KPNA7: variants seen among roughly 807,000 people sequenced by gnomAD.
The protein encoded by KPNA7 is karyopherin subunit alpha 7, also known as importin subunit alpha-8.
A neutral mutation model predicts 53.7 loss-of-function variants in KPNA7; 54 were observed. The ratio of observed to expected loss-of-function variants is 1.01; its 90% confidence interval spans 0.81 to 1.26. The LOEUF (loss-of-function observed/expected upper bound fraction) is 1.26. Among genes scored for constraint, KPNA7 ranks in the 50% most tolerant of loss-of-function variants. The probability of loss-of-function intolerance (pLI) is 0.00; values close to 1 mark genes in which losing one functional copy is unlikely to be tolerated. For synonymous variants in KPNA7, 276 were observed against 259.3 expected, an observed-to-expected ratio of 1.06 and a Z score of -0.62; for missense variants, 640 against 644.5, an observed-to-expected ratio of 0.99 and a Z score of 0.07.
At chr7:99,172,817 C>CT (rs2150691387), downstream of KPNA7, among the ~76,000 whole-genome samples, 1 of 152,192 alleles carries the variant, frequency 6.6e-6, no homozygotes, top group South Asian at 2.1e-4. Context: ...AATCCCAGCA[C>CT]TTTAGGAGGC....
At chr7:99,178,113 G>A (rs80171539) in intron 9 of KPNA7, 47 bp from the exon 10 acceptor site, 1 of 1,528,872 alleles carries the variant, frequency 6.5e-7, no homozygotes, top group Non-Finnish European at 8.8e-7. Context: ...AGGAGCCTTT[G>A]GGGGATAGGG....
rs1486759654 is a variant in KPNA7 at position 99,188,353 on chromosome 7, C to T, written c.847G>A (p.Gly283Arg). 7.1e-6 allele frequency: 11 copies of T among 1,551,548 alleles called. No individual in the cohort carries two copies. The highest frequency in any genetic ancestry group is 9.6e-6 in the Non-Finnish European group (11 of 1,146,988). The change falls in exon 7 of 11, where the codon GGG becomes AGG. Residue 283 changes from glycine to arginine, a missense_variant. Transcript: ENST00000327442. ...NKRIGQVVNT[G>R]VLPRLVVLMT... is the part of the protein sequence containing the mutation. ...AGCACTACCAGCCTGGGCAGGACCC[C>T]CGTGTTAACCACTTGGCCGATGCGC...
At chr7:99,165,711 C>T in the KPNA7 span, among the ~76,000 whole-genome samples, 6 of 152,290 alleles carry the variant, frequency 3.9e-5, no homozygotes, top group Admixed American at 3.3e-4. Flanking sequence ...TTAGCTTAAT[C>T]TCTACACTCA....
chr7:99,212,793 C>G (rs974875087), upstream of KPNA7, among the ~76,000 whole-genome samples: 3 of 151,786 alleles, frequency 2.0e-5, no homozygotes, highest in African/African-American at 7.3e-5. Flanking sequence ...CCCAGATACT[C>G]GGTGGGAGGA....
Position 99,218,899 on chromosome 7 carries a change from C to T in KPNA7, c.-23-11410G>A, listed in dbSNP as rs770282341. ...AGAAGGACTCAGCCACGTCTGGAGCCGGGGCTCGTGCACACATTCGCACTT... is the reference window on the plus strand; with the variant it reads ...AGAAGGACTCAGCCACGTCTGGAGCTGGGGCTCGTGCACACATTCGCACTT... On this transcript the variant is annotated intron_variant, in intron 1 of 10. Transcript: ENST00000681060. 1.3e-5 allele frequency among the ~76,000 whole-genome samples: 2 copies of T among 152,354 alleles called. 1 individual carries two copies. Among genetic ancestry groups the T allele is most frequent in the South Asian group, 4.1e-4 (2 of 4,832 alleles).
At chr7:99,173,946 G>A (rs552192613) in intron 10 of KPNA7, among the ~76,000 whole-genome samples, 152 bp from the exon 11 acceptor site, 5 of 152,074 alleles carry the variant, frequency 3.3e-5, no homozygotes, top group Admixed American at 2.0e-4. Context: ...GCATTGTTGC[G>A]CAACCATCAC....
chr7:99,173,945 C>T lies in KPNA7; in HGVS notation c.1465-151G>A, dbSNP rs6942400. 7.4e-3 allele frequency among the ~76,000 whole-genome samples: 1,122 copies of T among 152,128 alleles called. 14 individuals carry two copies. Among genetic ancestry groups the T allele is most frequent in the African/African-American group, 0.026 (1,072 of 41,428 alleles). ...GCAATTAAGTACATTCGCATTGTTG[C>T]GCAACCATCACCACCACCCACCTCT... is the stretch of plus-strand genomic sequence containing the variant. On this transcript the variant is annotated intron_variant, in intron 10 of 10. Coordinates refer to ENST00000327442, the MANE Select transcript of KPNA7 (RefSeq NM_001145715.3).
chr7:99,208,183 T>C (rs71567534), upstream of KPNA7, among the ~76,000 whole-genome samples: 9,268 of 150,422 alleles, frequency 0.062, 321 homozygotes, highest in South Asian at 0.16. Context: ...CTCAAGTGAT[T>C]CACCCACCTC....
chr7:99,150,862 T>G, the KPNA7 span, among the ~76,000 whole-genome samples: 2 of 152,164 alleles, frequency 1.3e-5, no homozygotes, highest in African/African-American at 4.8e-5. Context: ...GCCCTATGCA[T>G]CTGCAGAGTA....
intron 9 of KPNA7, among the ~76,000 whole-genome samples, chr7:99,178,771 CAAAAAAAAAAAAAAAAAAAAAA>C (rs756807848): frequency 3.6e-5 from 1 of 27,678 alleles, no homozygotes; most frequent in South Asian, 2.7e-3. Context: ...ATCTTTGTCT[CAAAAAAAAAAAAAAAAAAAAAA>C]AAAAAAAAAA....
the KPNA7 span, among the ~76,000 whole-genome samples, chr7:99,148,030 A>T: frequency 2.0e-5 from 3 of 152,076 alleles, no homozygotes; most frequent in African/African-American, 7.2e-5. Context: ...AAAAAAAAAA[A>T]AAAAGTTGAT....
chr7:99,171,937 G>A (rs190350490), downstream of KPNA7, among the ~76,000 whole-genome samples: 109 of 152,300 alleles, frequency 7.2e-4, 1 homozygote, highest in African/African-American at 2.5e-3. Context: ...TCCAGTGGGT[G>A]TGGATGACAA....
At chr7:99,200,262 T>C (rs896516931) in intron 3 of KPNA7, among the ~76,000 whole-genome samples, 1 of 152,126 alleles carries the variant, frequency 6.6e-6, no homozygotes, top group East Asian at 1.9e-4. Flanking sequence ...GGTCTCGAAC[T>C]CCTCAGCTCA....
chr7:99,157,291 C>T, the KPNA7 span, among the ~76,000 whole-genome samples: 1 of 152,182 alleles, frequency 6.6e-6, no homozygotes, highest in Non-Finnish European at 1.5e-5. Flanking sequence ...CTGACTGCAA[C>T]CTCCACCTCC....
intron 6 of KPNA7, among the ~76,000 whole-genome samples, chr7:99,191,160 ATT>A (rs5886098): frequency 0.058 from 7,842 of 134,648 alleles, 652 homozygotes; most frequent in African/African-American, 0.19. Flanking sequence ...CTGCTATACA[ATT>A]TTTTTTTTTT....
chr7:99,177,572 CAAAAAAAAAAAA>C (rs34717081), intron 10 of KPNA7, among the ~76,000 whole-genome samples: 26 of 41,778 alleles, frequency 6.2e-4, no homozygotes, highest in Non-Finnish European at 8.8e-4. Context: ...GAAACCATCT[CAAAAAAAAAAAA>C]AAAAAAAAAA....
intron 5 of KPNA7, among the ~76,000 whole-genome samples, chr7:99,194,420 C>A (rs966174359): frequency 8.5e-5 from 13 of 152,076 alleles, no homozygotes; most frequent in Non-Finnish European, 1.8e-4. Flanking sequence ...TCTGGGGTCC[C>A]GAGTTATGTA....
rs1798818051 is a variant in KPNA7 at position 99,173,920 on chromosome 7, G to T, written c.1465-126C>A. 15 of 610,536 alleles carry T rather than the reference G, an allele frequency of 2.5e-5. No homozygotes were observed. In the East Asian group the frequency reaches 4.3e-4, roughly 17 times the overall value. 37.8% of individuals were successfully genotyped at this position (610,536 alleles called of 1,614,324 possible). On this transcript the variant is annotated intron_variant, in intron 10 of 10. Transcript: ENST00000327442. ...CCATGTTTAAGCAGGTAGCTTAGTA[G>T]CAATTAAGTACATTCGCATTGTTGC...
At chr7:99,169,030 A>C (rs548847223), downstream of KPNA7, among the ~76,000 whole-genome samples, 10 of 152,058 alleles carry the variant, frequency 6.6e-5, no homozygotes, top group Non-Finnish European at 1.5e-4. Flanking sequence ...TCTACCAAAA[A>C]TACAAAAATT....
Sources: gnomAD v4.1 joint callset for allele counts (sites outside exome capture counted in the v4.1 genomes callset) on GRCh38, gnomAD v4.1.1 for gene constraint, MANE v1.5 for transcripts, NCBI Gene and HGNC (gene_info 2026-07-23, HGNC 2026-07-21) for gene names.